The following ZDHHC20 variants were observed in gnomAD, a reference collection of about 807,000 sequenced individuals.
ZDHHC20 encodes the protein palmitoyltransferase ZDHHC20.
In ZDHHC20, 43 loss-of-function variants were observed where a neutral mutation model predicts 57.8. The ratio of observed to expected loss-of-function variants is 0.74; its 90% CI spans 0.58 to 0.96. ZDHHC20 has a LOEUF of 0.96. Ranked by LOEUF, ZDHHC20 falls within the 40% of genes least tolerant of loss-of-function variation. The pLI is 0.00. For missense variants in ZDHHC20, 391 were observed against 441.1 expected (o/e 0.89, Z 1.02); for synonymous variants, 157 against 153.0 (o/e 1.03, Z -0.19).
At chr13:21,381,412 T>C in intron 11 of ZDHHC20, 22 bp downstream of exon 11, 4 of 1,544,490 alleles carry the variant, frequency 2.6e-6, no homozygotes, top group Non-Finnish European at 3.6e-6. Flanking sequence ...GACAAAGCAG[T>C]GTTTCAAATG....
At chr13:21,384,769 A>G (rs1874148092) in intron 9 of ZDHHC20, among the ~76,000 whole-genome samples, 1 of 152,202 alleles carries the variant, frequency 6.6e-6, no homozygotes, top group Non-Finnish European at 1.5e-5. Context: ...AACTAGCACT[A>G]CAGAACGTAA....
chr13:21,374,023 T>C lies in ZDHHC20; in HGVS notation c.*2673A>G, dbSNP rs1465009968. The C allele has an allele frequency of 6.5e-6, 1 of 152,768 alleles. No individual in the cohort carries two copies. Among genetic ancestry groups the C allele is most frequent in the Non-Finnish European group, 1.5e-5 (1 of 68,344 alleles). The allele number at this position is 152,768 out of a possible 1,614,324, so 9.5% of individuals were successfully genotyped here. A position where few individuals can be genotyped will look rare whatever the true frequency, so the allele number is the denominator to read the frequency against. On this transcript the variant is annotated 3_prime_UTR_variant, in exon 13 of 13. Coordinates refer to ENST00000400590, the MANE Select transcript of ZDHHC20 (RefSeq NM_001330059.2). ...AAAAATTAAAAGAACTGAGAAAGAC[T>C]ATACCATGAAAGTGCATAATAGTGA...
chr13:21,438,507 TTGC>T (rs1484052920), intron 1 of ZDHHC20, among the ~76,000 whole-genome samples: 2 of 152,234 alleles, frequency 1.3e-5, no homozygotes, highest in African/African-American at 4.8e-5. Flanking sequence ...TGTGATGGAA[TTGC>T]TGCAACCTCA....
At chr13:21,449,542 C>A (rs1283844589) in intron 1 of ZDHHC20, among the ~76,000 whole-genome samples, 1 of 152,182 alleles carries the variant, frequency 6.6e-6, no homozygotes, top group Non-Finnish European at 1.5e-5. Flanking sequence ...CACATATCTA[C>A]CACATTCTAC....
At chr13:21,442,424 T>C (rs1376398871) in intron 1 of ZDHHC20, among the ~76,000 whole-genome samples, 1 of 152,190 alleles carries the variant, frequency 6.6e-6, no homozygotes, top group Non-Finnish European at 1.5e-5. Flanking sequence ...TTATTTCAGA[T>C]CTTCCTGCTC....
At chr13:21,439,919 T>C (rs907228560) in intron 1 of ZDHHC20, among the ~76,000 whole-genome samples, 19 of 151,510 alleles carry the variant, frequency 1.3e-4, no homozygotes, top group African/African-American at 4.6e-4. Context: ...ATACAAAAAT[T>C]AGCCAGGTTT....
intron 8 of ZDHHC20, 59 bp from the exon 9 acceptor site, chr13:21,387,693 TG>T (rs1874821967): frequency 2.7e-6 from 3 of 1,102,806 alleles, no homozygotes; most frequent in African/African-American, 3.3e-5. Flanking sequence ...ATAGGAGGGA[TG>T]GAAATTACCA....
At chr13:21,433,389 G>A (rs550393499) in intron 1 of ZDHHC20, among the ~76,000 whole-genome samples, 96 of 152,174 alleles carry the variant, frequency 6.3e-4, no homozygotes, top group Non-Finnish European at 1.2e-3. Flanking sequence ...AGGCTGAGGC[G>A]GGCGGATCAT....
chr13:21,383,163 T>TTGATACGG (rs1358698301), intron 9 of ZDHHC20, among the ~76,000 whole-genome samples, 154 bp from the exon 10 acceptor site: 1 of 152,232 alleles, frequency 6.6e-6, no homozygotes, highest in Non-Finnish European at 1.5e-5. Context: ...GGTTATTACC[T>TTGATACGG]TGATACGGTT....
chr13:21,452,669 T>A (rs1280841869), intron 1 of ZDHHC20, among the ~76,000 whole-genome samples: 1 of 152,154 alleles, frequency 6.6e-6, no homozygotes, highest in Non-Finnish European at 1.5e-5. Context: ...TGCACCATAA[T>A]AGCATAAAGG....
intron 1 of ZDHHC20, among the ~76,000 whole-genome samples, chr13:21,453,622 G>GT (rs775723206): frequency 6.6e-5 from 10 of 152,140 alleles, no homozygotes; most frequent in Non-Finnish European, 1.3e-4. Context: ...GTCATACAAA[G>GT]TATGTTCTCT....
chr13:21,408,734 T>C (rs567699555), intron 4 of ZDHHC20, among the ~76,000 whole-genome samples: 6 of 152,316 alleles, frequency 3.9e-5, no homozygotes, highest in Admixed American at 3.3e-4. Context: ...TTCAGTATGA[T>C]ATTGGCTGTG....
chr13:21,388,623 C>A (rs572429557), intron 8 of ZDHHC20, among the ~76,000 whole-genome samples: 109 of 152,274 alleles, frequency 7.2e-4, no homozygotes, highest in African/African-American at 2.6e-3. Context: ...TTATGAAAAT[C>A]TGGAATAACC....
intron 2 of ZDHHC20, among the ~76,000 whole-genome samples, chr13:21,424,402 C>A (rs1384629278): frequency 3.3e-5 from 5 of 152,196 alleles, no homozygotes; most frequent in Non-Finnish European, 7.4e-5. Context: ...CTAACAACAA[C>A]AAAAGACTGT....
At position 21,413,559 on chromosome 13, in the gene ZDHHC20, T is replaced by C. The variant is rs1053217485; in HGVS notation, c.370+93A>G. ...GATATTATTTATGGCAATCATAGTA[T>C]CCATTTAATAGTCAAACCATGCAAA... On this transcript the variant is annotated intron_variant, in intron 4 of 12. Coordinates refer to ENST00000400590, the MANE Select transcript of ZDHHC20 (RefSeq NM_001330059.2). 1.3e-5 allele frequency: 15 copies of C among 1,152,170 alleles called. 1 individual carries two copies. In the South Asian group the frequency reaches 2.1e-4, roughly 16 times the overall value. The allele number at this position is 1,152,170 out of a possible 1,614,324, so 71.4% of individuals were successfully genotyped here. A position where few individuals can be genotyped will look rare whatever the true frequency, so the allele number is the denominator to read the frequency against.
chr13:21,386,481 A>G (rs549376015), intron 9 of ZDHHC20, among the ~76,000 whole-genome samples: 12 of 152,346 alleles, frequency 7.9e-5, no homozygotes, highest in African/African-American at 2.4e-4. Flanking sequence ...ACTAACAAAA[A>G]TAAGAGTTAT....
At chr13:21,421,250 G>A in intron 2 of ZDHHC20, 86 bp from the exon 3 acceptor site, 2 of 977,110 alleles carry the variant, frequency 2.0e-6, no homozygotes, top group Non-Finnish European at 3.1e-6. Context: ...ATTGGGTCAG[G>A]AGGCCGAATC....
chr13:21,436,426 A>G lies in ZDHHC20; in HGVS notation c.119-10748T>C, dbSNP rs372938667. On this transcript the variant is annotated intron_variant, in intron 1 of 12. Transcript: ENST00000400590. ...AGTCTATCTGTGCTATTTTTCCAAC[A>G]CTTTGTGCTCACTTTGTGTCTCCGT... 3.3e-5 allele frequency among the ~76,000 whole-genome samples: 5 copies of G among 152,162 alleles called. No individual in the cohort carries two copies. In the South Asian group the frequency reaches 8.3e-4, roughly 25 times the overall value.
chr13:21,409,525 G>A (rs565874347), intron 4 of ZDHHC20, among the ~76,000 whole-genome samples: 23 of 152,064 alleles, frequency 1.5e-4, no homozygotes, highest in African/African-American at 5.5e-4. Flanking sequence ...TCTGGCTAGT[G>A]GTCTATTTTG....
Sources: gnomAD v4.1 joint callset for allele counts (sites outside exome capture counted in the v4.1 genomes callset) on GRCh38, gnomAD v4.1.1 for gene constraint, MANE v1.5 for transcripts, NCBI Gene and HGNC (gene_info 2026-07-23, HGNC 2026-07-21) for gene names.